Variants in SHISA9 observed in about 807,000 individuals in gnomAD.
SHISA9 encodes the protein shisa family member 9.
SHISA9 carries 13 observed loss-of-function variants against 38.0 expected under a neutral mutation model. That is an observed-to-expected ratio of 0.34 (90% confidence interval 0.22 to 0.54). The LOEUF is 0.54. Ranked by LOEUF, SHISA9 falls within the 20% of genes least tolerant of loss-of-function variation. SHISA9 has a pLI of 0.91. For synonymous variants in SHISA9, 275 were observed against 242.0 expected, an observed-to-expected ratio of 1.14 and a Z score of -1.27; for missense variants, 538 against 575.8, an observed-to-expected ratio of 0.93 and a Z score of 0.67.
At chr16:13,352,804 C>G in the SHISA9 span, among the ~76,000 whole-genome samples, 1 of 147,306 alleles carries the variant, frequency 6.8e-6, no homozygotes, top group African/African-American at 2.6e-5. Context: ...TCACAAGGTG[C>G]TCAGTGGGGG....
chr16:13,229,295 C>T (rs1269935621), intron 4 of SHISA9, among the ~76,000 whole-genome samples: 2 of 152,160 alleles, frequency 1.3e-5, no homozygotes, highest in Non-Finnish European at 2.9e-5. Flanking sequence ...ACTGCACAAA[C>T]AAGTGTAAAA....
In SHISA9 at chr16:12,973,921, T is replaced by C. The variant is rs117242223; in HGVS notation, c.691+57106T>C. ...TTAGTAACGTATTCTTCAAGCACCC[T>C]TCTGGATTTTGTTGCCTGTGGCATA... On this transcript the variant is annotated intron_variant, in intron 2 of 4. Coordinates refer to ENST00000558583, the MANE Select transcript of SHISA9 (RefSeq NM_001145204.3). Among the ~76,000 whole-genome samples, 919 of 152,288 alleles carry C rather than the reference T, an allele frequency of 6.0e-3. 8 individuals are homozygous for C. Among genetic ancestry groups the C allele is most frequent in the Middle Eastern group, 0.034 (10 of 294 alleles).
the SHISA9 span, among the ~76,000 whole-genome samples, chr16:13,541,106 T>C: frequency 3.0e-4 from 45 of 152,342 alleles, no homozygotes; most frequent in African/African-American, 1.1e-3. Context: ...GTATTGTAAC[T>C]GTGCATCTGT....
chr16:13,251,554 A>G, the SHISA9 span, among the ~76,000 whole-genome samples: 1 of 151,836 alleles, frequency 6.6e-6, no homozygotes, highest in Non-Finnish European at 1.5e-5. Flanking sequence ...TCCCCTCTCC[A>G]TCTCTTAGGT....
chr16:13,504,683 G>A, the SHISA9 span, among the ~76,000 whole-genome samples: 1 of 152,122 alleles, frequency 6.6e-6, no homozygotes, highest in Non-Finnish European at 1.5e-5. Flanking sequence ...TGAACCACTA[G>A]CCCTCAGAGG....
the SHISA9 span, among the ~76,000 whole-genome samples, chr16:13,423,437 T>C: frequency 6.6e-6 from 1 of 152,218 alleles, no homozygotes; most frequent in Non-Finnish European, 1.5e-5. Flanking sequence ...AAGAGTTCAA[T>C]TTCATTTTAT....
intron 2 of SHISA9, among the ~76,000 whole-genome samples, chr16:13,028,891 A>C (rs1410233155): frequency 6.6e-6 from 1 of 152,132 alleles, no homozygotes; most frequent in Admixed American, 6.6e-5. Context: ...GGGTGTCAAC[A>C]CTTCAAAACT....
At chr16:13,397,983 G>A in the SHISA9 span, among the ~76,000 whole-genome samples, 1 of 152,308 alleles carries the variant, frequency 6.6e-6, no homozygotes, top group African/African-American at 2.4e-5. Context: ...CTGGAGTCAG[G>A]CCTCTTAGCA....
chr16:13,355,348 G>A, the SHISA9 span, among the ~76,000 whole-genome samples: 2 of 151,958 alleles, frequency 1.3e-5, no homozygotes, highest in African/African-American at 4.8e-5. Context: ...AGATTTTAAT[G>A]AGATGGTAAG....
chr16:12,936,638 A>T (rs1294371534), intron 2 of SHISA9, among the ~76,000 whole-genome samples: 2 of 152,208 alleles, frequency 1.3e-5, no homozygotes, highest in African/African-American at 4.8e-5. Context: ...CTAGCATTTA[A>T]AGATATGCAT....
At chr16:12,937,636 C>CTG (rs2071551526) in intron 2 of SHISA9, among the ~76,000 whole-genome samples, 1 of 152,210 alleles carries the variant, frequency 6.6e-6, no homozygotes, top group African/African-American at 2.4e-5. Context: ...CACCTTCTTG[C>CTG]TGTGTCCTCA....
At chr16:13,403,463 A>G in the SHISA9 span, among the ~76,000 whole-genome samples, 1 of 152,374 alleles carries the variant, frequency 6.6e-6, no homozygotes, top group Non-Finnish European at 1.5e-5. Flanking sequence ...CTGCAGGATC[A>G]GGAGTGAGGA....
intron 2 of SHISA9, among the ~76,000 whole-genome samples, chr16:12,987,559 A>G (rs1366650508): frequency 6.6e-6 from 1 of 152,136 alleles, no homozygotes; most frequent in Non-Finnish European, 1.5e-5. Flanking sequence ...ACACATGGAC[A>G]TGGGGAGGGG....
chr16:13,073,956 C>CT (rs2073549261), intron 2 of SHISA9, among the ~76,000 whole-genome samples: 1 of 110,100 alleles, frequency 9.1e-6, no homozygotes, highest in Non-Finnish European at 1.8e-5. Context: ...TTCTGCTGGT[C>CT]GTTTTTTTTT....
intron 2 of SHISA9, among the ~76,000 whole-genome samples, chr16:13,117,608 G>A (rs1409862759): frequency 6.6e-6 from 1 of 152,144 alleles, no homozygotes; most frequent in African/African-American, 2.4e-5. Context: ...AAAACTGGAC[G>A]AAATGTGACC....
chr16:13,532,524 A>G, the SHISA9 span, among the ~76,000 whole-genome samples: 9 of 150,632 alleles, frequency 6.0e-5, no homozygotes, highest in African/African-American at 1.7e-4. Flanking sequence ...TTTTCTTGCC[A>G]GTATGATGGA....
At chr16:13,214,287 C>T (rs959153991) in intron 4 of SHISA9, among the ~76,000 whole-genome samples, 11 of 152,196 alleles carry the variant, frequency 7.2e-5, no homozygotes, top group African/African-American at 2.2e-4. Flanking sequence ...CAACCTCCTC[C>T]GCCTCCCAGG....
At chr16:12,941,496 C>G (rs1401929978) in intron 2 of SHISA9, among the ~76,000 whole-genome samples, 1 of 152,146 alleles carries the variant, frequency 6.6e-6, no homozygotes, top group East Asian at 1.9e-4. Flanking sequence ...GGTATCCATC[C>G]CATCAAGCAT....
chr16:13,292,801 G>GA, the SHISA9 span, among the ~76,000 whole-genome samples: 4 of 151,896 alleles, frequency 2.6e-5, no homozygotes, highest in South Asian at 4.2e-4. Flanking sequence ...AACACTTTTT[G>GA]AAAAAAAATT....
Sources: allele counts gnomAD v4.1 joint callset (sites outside exome capture counted in the v4.1 genomes callset), GRCh38; gene constraint gnomAD v4.1.1; transcripts MANE v1.5; gene names NCBI Gene and HGNC (gene_info 2026-07-23, HGNC 2026-07-21).